CFAP70: variants seen among roughly 807,000 people sequenced by gnomAD.
CFAP70 encodes cilia and flagella associated protein 70.
A neutral mutation model predicts 137.6 loss-of-function variants in CFAP70; 81 were observed. The observed-to-expected ratio is 0.59, with a 90% CI of 0.49 to 0.71. The LOEUF is 0.71. CFAP70 is among the 30% of genes least tolerant of loss of function. The pLI is 0.00. For missense variants in CFAP70, 976 were observed against 1,226.7 expected (o/e 0.80, Z 3.05); for synonymous variants, 382 against 423.6 (o/e 0.90, Z 1.20).
At chr10:73,276,116 T>TC (rs2046716847) in intron 21 of CFAP70, 1 of 151,894 alleles carries the variant, frequency 6.6e-6, no homozygotes, top group Non-Finnish European at 1.5e-5. Flanking sequence ...TTTTTTTTTT[T>TC]TTCTTTTTTT....
At chr10:73,290,685 G>C (rs555023784) in intron 19 of CFAP70, among the ~76,000 whole-genome samples, 23 of 152,224 alleles carry the variant, frequency 1.5e-4, no homozygotes, top group Non-Finnish European at 1.5e-5. Context: ...GAACAGCAGG[G>C]GAAAGGGAGT....
rs568655258 is a variant in CFAP70, at chr10:73,316,503, T to TAG, written c.913-3861_913-3860insCT. Among the ~76,000 whole-genome samples, 369 of 139,774 alleles carry TAG rather than the reference T, an allele frequency of 2.6e-3. 1 individual carries two copies. The highest frequency in any genetic ancestry group is 0.013 in the South Asian group (54 of 4,198). 91.7% of individuals were successfully genotyped at this position (139,774 alleles called of 152,430 possible). A position where few individuals can be genotyped will look rare whatever the true frequency, so the allele number is the denominator to read the frequency against. On this transcript the variant is annotated intron_variant, in intron 9 of 26. Coordinates refer to ENST00000310715, the Ensembl canonical transcript of CFAP70. ...ATAGATATAGATATATATATATATA[T>TAG]ATATATATATGACGTACACATAAAT...
chr10:73,308,283 G>T (rs1330510283), intron 12 of CFAP70, among the ~76,000 whole-genome samples: 1 of 152,124 alleles, frequency 6.6e-6, no homozygotes, highest in Non-Finnish European at 1.5e-5. Flanking sequence ...AGAACATTCT[G>T]CAGGGTATAC....
intron 21 of CFAP70, chr10:73,276,062 TTA>T (rs1346179618): frequency 6.6e-6 from 1 of 152,310 alleles, no homozygotes; most frequent in Non-Finnish European, 1.5e-5. Context: ...CAAACATTGG[TTA>T]TGTTTACCAG....
intron 8 of CFAP70, among the ~76,000 whole-genome samples, chr10:73,329,095 G>A (rs928465802): frequency 2.2e-4 from 34 of 152,030 alleles, no homozygotes; most frequent in Non-Finnish European, 4.1e-4. Context: ...CAACCCAAAT[G>A]TCCAACAATG....
intron 12 of CFAP70, among the ~76,000 whole-genome samples, chr10:73,303,231 G>A (rs1353848153): frequency 6.7e-6 from 1 of 148,486 alleles, no homozygotes; most frequent in East Asian, 2.0e-4. Flanking sequence ...ATTCTTTTTT[G>A]TTTTGAGATG....
At chr10:73,259,926 C>T (rs1199548407) in intron 25 of CFAP70, among the ~76,000 whole-genome samples, 2 of 151,446 alleles carry the variant, frequency 1.3e-5, no homozygotes, top group East Asian at 3.9e-4. Context: ...ACTTGGGGGG[C>T]TGAGGCAGTA....
chr10:73,288,954 A>C lies in CFAP70; in HGVS notation c.2239+2272T>G, dbSNP rs573878203. ...GTTTACCTGCAAAGCAACCAGCTGCATTCTTTGCAGTTTATCATAATGAAA... is the reference window on the plus strand; with the variant it reads ...GTTTACCTGCAAAGCAACCAGCTGCCTTCTTTGCAGTTTATCATAATGAAA... On this transcript the variant is annotated intron_variant, in intron 19 of 26. Transcript: ENST00000310715. 1.1e-4 allele frequency among the ~76,000 whole-genome samples: 16 copies of C among 152,352 alleles called. No individual in the cohort carries two copies. The South Asian group carries it at 3.3e-3, about 32-fold the overall frequency.
intron 14 of CFAP70, among the ~76,000 whole-genome samples, chr10:73,298,362 A>C (rs1381245416): frequency 2.0e-5 from 3 of 152,228 alleles, no homozygotes; most frequent in Admixed American, 1.3e-4. Context: ...ACTATTTCTC[A>C]AATTTTAGTG....
intron 3 of CFAP70, among the ~76,000 whole-genome samples, chr10:73,351,793 T>C (rs901049507): frequency 6.6e-6 from 1 of 152,254 alleles, no homozygotes. Context: ...GGTTTTAAGT[T>C]GAAACCTGGA....
rs559931039 is a variant in CFAP70, at chr10:73,341,311, T to C, written c.582+88A>G. ...TGTAAGTATTTCGACAGGTGACAAA[T>C]GTATATAAATTACAGTAATTCACAA... On this transcript the variant is annotated intron_variant, in intron 6 of 26. Transcript: ENST00000310715. 1.3e-5 allele frequency: 15 copies of C among 1,166,376 alleles called. No individual in the cohort carries two copies. In the Admixed American group the frequency reaches 3.1e-4, roughly 24 times the overall value. The allele number at this position is 1,166,376 out of a possible 1,614,324, so 72.3% of individuals were successfully genotyped here. A position where few individuals can be genotyped will look rare whatever the true frequency, so the allele number is the denominator to read the frequency against.
chr10:73,351,007 G>GTA, intron 3 of CFAP70, among the ~76,000 whole-genome samples: 1 of 134,646 alleles, frequency 7.4e-6, no homozygotes, highest in African/African-American at 3.4e-5. Context: ...GTATATGTGT[G>GTA]TATGTGTGTG....
At position 73,266,270 on chromosome 10, in the gene CFAP70, T is replaced by C. The variant is rs147270576; in HGVS notation, c.3027+3344A>G. On this transcript the variant is annotated intron_variant, in intron 25 of 26. Transcript: ENST00000310715. ...AAAGTCAAAAGGATATAATAAAGCA[T>C]ACAATGAGTTTTGCTTCCACCCGTC... Among the ~76,000 whole-genome samples the C allele has an allele frequency of 4.0e-3, 606 of 152,332 alleles. 4 individuals carry two copies. Among genetic ancestry groups the C allele is most frequent in the Non-Finnish European group, 6.8e-3 (465 of 68,018 alleles).
intron 19 of CFAP70, among the ~76,000 whole-genome samples, chr10:73,281,214 TCTCA>T (rs1331503910): frequency 1.3e-5 from 2 of 152,104 alleles, no homozygotes; most frequent in African/African-American, 2.4e-5. Context: ...TGAGACAGAC[TCTCA>T]CTGTCACCCA....
intron 25 of CFAP70, among the ~76,000 whole-genome samples, chr10:73,262,047 T>A (rs2045295239): frequency 7.0e-6 from 1 of 143,066 alleles, no homozygotes; most frequent in African/African-American, 2.6e-5. Flanking sequence ...ATGTATATAT[T>A]ATATATTATA....
chr10:73,362,528 G>T (rs2055052622), upstream of CFAP70, among the ~76,000 whole-genome samples: 1 of 152,002 alleles, frequency 6.6e-6, no homozygotes, highest in Non-Finnish European at 1.5e-5. Flanking sequence ...TTTTTGTTTT[G>T]TTTTTTGTAG....
At chr10:73,351,039 G>GTA (rs201514596) in intron 3 of CFAP70, among the ~76,000 whole-genome samples, 30 of 127,632 alleles carry the variant, frequency 2.4e-4, no homozygotes, top group African/African-American at 8.5e-4. Context: ...GTATATGTGT[G>GTA]TATATATGTG....
exon 7 of CFAP70, chr10:73,335,467 C>G: frequency 6.2e-7 from 1 of 1,611,762 alleles, no homozygotes; most frequent in Non-Finnish European, 8.5e-7. Context: ...CAGCGACTTT[C>G]CAAGTCCCAA....
intron 15 of CFAP70, 138 bp downstream of exon 16, chr10:73,296,904 C>T (rs1247085225): frequency 4.0e-6 from 4 of 990,358 alleles, no homozygotes; most frequent in East Asian, 5.4e-5. Context: ...GTTTCTTACT[C>T]ATCTTTGTGT....
Sources: allele counts gnomAD v4.1 joint callset (sites outside exome capture counted in the v4.1 genomes callset), GRCh38; gene constraint gnomAD v4.1.1; transcripts MANE v1.5; gene names NCBI Gene and HGNC (gene_info 2026-07-23, HGNC 2026-07-21).